The following IL12RB2 variants were observed in gnomAD, a reference collection of about 807,000 sequenced individuals.
The protein encoded by IL12RB2 is interleukin-12 receptor subunit beta-2.
A neutral mutation model predicts 89.4 loss-of-function variants in IL12RB2; 82 were observed. The ratio of observed to expected loss-of-function variants is 0.92; its 90% confidence interval spans 0.77 to 1.10. The LOEUF (loss-of-function observed/expected upper bound fraction) is 1.10, where lower values mean the gene tolerates loss of function less well. IL12RB2 is among the 50% of genes least tolerant of loss of function. The pLI, the probability that IL12RB2 is intolerant of heterozygous loss-of-function variation, is 0.00. For missense variants in IL12RB2, 963 were observed against 1,031.9 expected (o/e 0.93, Z 0.92); for synonymous variants, 368 against 370.1 (o/e 0.99, Z 0.07).
At chr1:67,355,168 C>G (rs535789431) in intron 10 of IL12RB2, among the ~76,000 whole-genome samples, 15 of 152,100 alleles carry the variant, frequency 9.9e-5, no homozygotes, top group African/African-American at 1.4e-4. Context: ...AATCCCAGGA[C>G]TTTGGGAGGC....
chr1:67,342,760 C>A lies in IL12RB2; in HGVS notation c.1038+4057C>A, dbSNP rs990772603. ...TCTTGTACTACTTTTTAAAATCACA[C>A]CTTTTTTTTTTTTTTTTGAGACAGG... On this transcript the variant is annotated intron_variant, in intron 9 of 16. Transcript: ENST00000674203. Among the ~76,000 whole-genome samples, 532 of 78,582 alleles carry A rather than the reference C, an allele frequency of 6.8e-3. 23 individuals are homozygous for A. The highest frequency in any genetic ancestry group is 9.2e-3 in the Non-Finnish European group (280 of 30,334). 51.6% of individuals were successfully genotyped at this position (78,582 alleles called of 152,430 possible). A position where few individuals can be genotyped will look rare whatever the true frequency, so the allele number is the denominator to read the frequency against.
chr1:67,386,627 T>A lies in IL12RB2; in HGVS notation c.1904T>A (p.Ile635Asn). 1 of 1,613,722 alleles carries A rather than the reference T, an allele frequency of 6.2e-7. No homozygotes were observed. The highest frequency in any genetic ancestry group is 8.5e-7 in the Non-Finnish European group (1 of 1,179,718). Residue 635 changes from isoleucine (I) to asparagine (N), a missense_variant, in exon 15 of 17, where the codon ATC becomes AAC. By Grantham distance (149) the Ile-to-Asn change is moderately radical (BLOSUM62 -3). Coordinates refer to ENST00000674203, the MANE Select transcript of IL12RB2 (RefSeq NM_001374259.2). ...AFVAPSICIA[I>N]IMVGIFSTHY... The stretch of plus-strand genomic sequence containing the variant: ...GTGGCACCAAGCATTTGCATTGCTA[T>A]CATCATGGTGGGCATTTTCTCAACG...
At chr1:67,390,176 C>T (rs1182885822) in intron 16 of IL12RB2, 48 bp downstream of exon 16, 9 of 870,296 alleles carry the variant, frequency 1.0e-5, no homozygotes, top group Non-Finnish European at 1.8e-5. Context: ...CTAGTGATCA[C>T]CACATCTAAG....
chr1:67,385,285 GGA>G (rs919315918), intron 14 of IL12RB2, among the ~76,000 whole-genome samples: 1 of 152,220 alleles, frequency 6.6e-6, no homozygotes, highest in Admixed American at 6.5e-5. Context: ...CAAGGCAGCA[GGA>G]GAGAGAAGAA....
At chr1:67,358,576 C>CA (rs982954432) in intron 10 of IL12RB2, among the ~76,000 whole-genome samples, 7 of 144,730 alleles carry the variant, frequency 4.8e-5, no homozygotes, top group Admixed American at 6.9e-5. Context: ...AACTCCATCT[C>CA]AAAAAAAAAT....
chr1:67,368,208 G>C (rs1413900573), intron 11 of IL12RB2, among the ~76,000 whole-genome samples, 183 bp downstream of exon 11: 1 of 152,148 alleles, frequency 6.6e-6, no homozygotes, highest in Non-Finnish European at 1.5e-5. Context: ...ATGACCAACT[G>C]GTTGACTAAA....
chr1:67,321,675 A>G lies in IL12RB2; in HGVS notation c.150A>G (p.Thr50=), dbSNP rs367718880. The G allele has an allele frequency of 6.2e-7, 1 of 1,603,644 alleles. No individual in the cohort carries two copies. The highest frequency in any genetic ancestry group is 8.5e-7 in the Non-Finnish European group (1 of 1,170,362). The part of the protein sequence containing the change: ...VILLGSTVNI[T]CSLKPRQGCF... Reference sequence around the variant, plus strand: ...TACTTGGATCCACTGTCAATATTACATGCTCTTTGAAGCCCAGACAAGGCT... The same window carrying G: ...TACTTGGATCCACTGTCAATATTACGTGCTCTTTGAAGCCCAGACAAGGCT... The change falls in exon 4 of 17, where the codon ACA becomes ACG. Residue 50 remains threonine (T), a synonymous_variant. Coordinates refer to ENST00000674203, the MANE Select transcript of IL12RB2 (RefSeq NM_001374259.2).
intron 15 of IL12RB2, among the ~76,000 whole-genome samples, chr1:67,388,622 G>A (rs1454312468): frequency 6.6e-6 from 1 of 152,184 alleles, no homozygotes; most frequent in Non-Finnish European, 1.5e-5. Context: ...GGGATTACAG[G>A]CGTGAGCCAC....
chr1:67,313,781 G>A (rs866136358), intron 1 of IL12RB2, 132 bp from the exon 2 acceptor site: 7 of 152,430 alleles, frequency 4.6e-5, no homozygotes, highest in African/African-American at 1.7e-4. Context: ...ATCCAAGATG[G>A]TGCCATTGCA....
chr1:67,350,136 G>A (rs1474023807), intron 9 of IL12RB2, among the ~76,000 whole-genome samples: 1 of 152,214 alleles, frequency 6.6e-6, no homozygotes, highest in Admixed American at 6.5e-5. Context: ...GGCATGGATG[G>A]GCACCGCCAA....
chr1:67,345,879 T>A (rs2100805848), intron 9 of IL12RB2, among the ~76,000 whole-genome samples: 1 of 152,304 alleles, frequency 6.6e-6, no homozygotes, highest in African/African-American at 2.4e-5. Flanking sequence ...AGCCAAGAAT[T>A]AACAGAAGAT....
intron 8 of IL12RB2, among the ~76,000 whole-genome samples, chr1:67,332,612 T>C (rs1658239949): frequency 6.6e-6 from 1 of 152,262 alleles, no homozygotes. Context: ...GTTACTTTTA[T>C]AATCCAGAGC....
At chr1:67,329,489 C>A in intron 6 of IL12RB2, 98 bp from the exon 7 acceptor site, 1 of 808,354 alleles carries the variant, frequency 1.2e-6, no homozygotes, top group Non-Finnish European at 2.2e-6. Context: ...CATCTCAGAA[C>A]TGAGTTTTGT....
At chr1:67,381,270 G>A (rs1360596471) in intron 14 of IL12RB2, among the ~76,000 whole-genome samples, 3 of 152,114 alleles carry the variant, frequency 2.0e-5, no homozygotes, top group Non-Finnish European at 2.9e-5. Context: ...AGCTAGCATG[G>A]GCTTCCCTCC....
At chr1:67,309,576 G>A (rs576457996) in intron 1 of IL12RB2, among the ~76,000 whole-genome samples, 143 of 152,258 alleles carry the variant, frequency 9.4e-4, no homozygotes, top group African/African-American at 3.3e-3. Context: ...AGAAAAGTTT[G>A]CAATATGCTC....
At chr1:67,334,938 G>T (rs1051241888) in intron 8 of IL12RB2, among the ~76,000 whole-genome samples, 6 of 152,064 alleles carry the variant, frequency 3.9e-5, no homozygotes, top group African/African-American at 1.5e-4. Flanking sequence ...TTTGCTTGAG[G>T]CTTGAGAATG....
chr1:67,388,354 G>A (rs1665447697), intron 15 of IL12RB2, among the ~76,000 whole-genome samples: 1 of 152,066 alleles, frequency 6.6e-6, no homozygotes, highest in South Asian at 2.1e-4. Context: ...TTTTTGTTTT[G>A]TTTTGTTTTG....
At chr1:67,380,182 C>T in intron 14 of IL12RB2, 59 bp downstream of exon 14, 1 of 1,544,846 alleles carries the variant, frequency 6.5e-7, no homozygotes, top group Non-Finnish European at 9.0e-7. Context: ...GGCATGCACT[C>T]CTATTACATT....
Position 67,338,612 on chromosome 1 carries a change from C to T in IL12RB2, c.959-12C>T, listed in dbSNP as rs190952170. ...TATATGAAAATATGTCTTTTTTTCT[C>T]CTTTGAAACAGAGCCTACTGGGATG... On this transcript the variant is annotated splice_polypyrimidine_tract_variant and intron_variant, in intron 8 of 16. Coordinates refer to ENST00000674203, the MANE Select transcript of IL12RB2 (RefSeq NM_001374259.2). 1.0e-4 allele frequency: 135 copies of T among 1,328,480 alleles called. No homozygotes were observed. The East Asian group carries it at 2.2e-3, about 22-fold the overall frequency. The allele number at this position is 1,328,480 out of a possible 1,614,324, so 82.3% of individuals were successfully genotyped here. A position where few individuals can be genotyped will look rare whatever the true frequency, so the allele number is the denominator to read the frequency against.
Sources: allele counts gnomAD v4.1 joint callset (sites outside exome capture counted in the v4.1 genomes callset), GRCh38; gene constraint gnomAD v4.1.1; transcripts MANE v1.5; gene names NCBI Gene and HGNC (gene_info 2026-07-23, HGNC 2026-07-21).